Variants in TMEM117 observed in about 807,000 individuals in gnomAD.
The protein encoded by TMEM117 is transmembrane protein 117.
Under a neutral mutation model 52.4 loss-of-function variants are expected in TMEM117, and 27 were observed. The observed-to-expected ratio is 0.51, with a 90% CI of 0.38 to 0.71. TMEM117 has a LOEUF of 0.71. Ranked by LOEUF, TMEM117 falls within the 30% of genes least tolerant of loss-of-function variation. The pLI is 0.00. For missense variants in TMEM117, 556 were observed against 630.5 expected (o/e 0.88, Z 1.26); for synonymous variants, 215 against 206.3 (o/e 1.04, Z -0.36).
chr12:44,097,818 C>T (rs1390145277), intron 3 of TMEM117, among the ~76,000 whole-genome samples: 3 of 150,554 alleles, frequency 2.0e-5, no homozygotes, highest in Non-Finnish European at 1.5e-5. Context: ...ATGTAACAAA[C>T]CTGCACATTG....
intron 3 of TMEM117, among the ~76,000 whole-genome samples, chr12:44,016,421 C>G (rs1461944329): frequency 6.6e-6 from 1 of 152,218 alleles, no homozygotes; most frequent in Non-Finnish European, 1.5e-5. Context: ...AGCAGAGTCT[C>G]CCTTTCTCCC....
intron 4 of TMEM117, among the ~76,000 whole-genome samples, chr12:44,207,820 C>G (rs1410943501): frequency 1.3e-5 from 2 of 151,602 alleles, no homozygotes; most frequent in East Asian, 3.9e-4. Context: ...AAAAAACCTA[C>G]TAAGAAATAT....
At chr12:44,114,112 C>G (rs1249349738) in intron 3 of TMEM117, among the ~76,000 whole-genome samples, 3 of 150,028 alleles carry the variant, frequency 2.0e-5, no homozygotes, top group Non-Finnish European at 4.4e-5. Context: ...CTGTCTGGCA[C>G]TCCCTAGTGA....
intron 2 of TMEM117, among the ~76,000 whole-genome samples, chr12:43,866,862 G>A (rs1943609547): frequency 6.6e-6 from 1 of 152,186 alleles, no homozygotes; most frequent in Admixed American, 6.5e-5. Context: ...AGGCTGAGGC[G>A]GGTGGATCAC....
intron 2 of TMEM117, among the ~76,000 whole-genome samples, chr12:43,846,102 CT>C (rs964680626): frequency 1.5e-4 from 23 of 148,960 alleles, no homozygotes; most frequent in South Asian, 4.3e-4. Flanking sequence ...CTCTCTCTCT[CT>C]TTTTTTTTTG....
intron 3 of TMEM117, among the ~76,000 whole-genome samples, chr12:43,950,304 G>A (rs1346171762): frequency 6.6e-6 from 1 of 152,168 alleles, no homozygotes; most frequent in Non-Finnish European, 1.5e-5. Context: ...GAAAAGAAGA[G>A]GCAGATTTTG....
intron 6 of TMEM117, among the ~76,000 whole-genome samples, chr12:44,369,793 C>A (rs1951837794): frequency 6.6e-6 from 1 of 152,110 alleles, no homozygotes; most frequent in African/African-American, 2.4e-5. Flanking sequence ...CTAGATTTTT[C>A]TCCACAGATT....
At chr12:43,821,886 T>A in the TMEM117 span, among the ~76,000 whole-genome samples, 43 of 152,358 alleles carry the variant, frequency 2.8e-4, 1 homozygote, top group African/African-American at 9.6e-4. Context: ...AAAGCATTTT[T>A]AAAAAAGTAT....
intron 2 of TMEM117, among the ~76,000 whole-genome samples, chr12:43,845,654 T>C (rs1333999869): frequency 2.0e-5 from 3 of 151,940 alleles, no homozygotes; most frequent in Admixed American, 6.6e-5. Flanking sequence ...TAACTCAACA[T>C]TTACATTAGG....
intron 5 of TMEM117, among the ~76,000 whole-genome samples, chr12:44,252,724 T>C (rs1460258473): frequency 1.3e-5 from 2 of 152,174 alleles, no homozygotes; most frequent in East Asian, 1.9e-4. Flanking sequence ...ATCAGTTACA[T>C]AACCTGGAGC....
intron 4 of TMEM117, among the ~76,000 whole-genome samples, chr12:44,173,070 G>C (rs1417139524): frequency 6.6e-6 from 1 of 151,930 alleles, no homozygotes; most frequent in African/African-American, 2.4e-5. Flanking sequence ...AAAGTAGCTT[G>C]TTTTTGTTTT....
intron 3 of TMEM117, among the ~76,000 whole-genome samples, chr12:44,036,621 C>T (rs1367799913): frequency 2.0e-5 from 3 of 152,056 alleles, no homozygotes; most frequent in Admixed American, 6.6e-5. Context: ...CATAAAAAAT[C>T]TTTTTTTGTT....
At chr12:44,287,233 A>AT (rs1482282271) in intron 5 of TMEM117, among the ~76,000 whole-genome samples, 2 of 152,180 alleles carry the variant, frequency 1.3e-5, no homozygotes, top group East Asian at 3.9e-4. Flanking sequence ...TATAATGAAG[A>AT]TTCCAACCAC....
At chr12:44,139,260 A>G (rs1948536964) in intron 3 of TMEM117, among the ~76,000 whole-genome samples, 1 of 152,138 alleles carries the variant, frequency 6.6e-6, no homozygotes, top group African/African-American at 2.4e-5. Flanking sequence ...ATTGACTGCA[A>G]CCACTTATGT....
chr12:44,307,853 A>T (rs1056679974), intron 6 of TMEM117, among the ~76,000 whole-genome samples: 6 of 152,212 alleles, frequency 3.9e-5, no homozygotes, highest in South Asian at 4.1e-4. Flanking sequence ...AATTTGGCAG[A>T]AGGTAATAGT....
At chr12:44,368,349 C>G (rs1459189418) in intron 6 of TMEM117, among the ~76,000 whole-genome samples, 1 of 152,040 alleles carries the variant, frequency 6.6e-6, no homozygotes, top group Non-Finnish European at 1.5e-5. Context: ...TAAGACATTC[C>G]AGAAAAAACA....
At chr12:44,064,879 G>A (rs1947198318) in intron 3 of TMEM117, among the ~76,000 whole-genome samples, 1 of 152,090 alleles carries the variant, frequency 6.6e-6, no homozygotes, top group Non-Finnish European at 1.5e-5. Flanking sequence ...ATTGCTAGGA[G>A]TAGATTTTAG....
At chr12:43,861,199 G>A (rs1291155103) in intron 2 of TMEM117, among the ~76,000 whole-genome samples, 1 of 152,178 alleles carries the variant, frequency 6.6e-6, no homozygotes, top group Non-Finnish European at 1.5e-5. Context: ...AGCCATGTGG[G>A]GAAGTCACAG....
At chr12:44,150,021 A>T (rs573580897) in intron 4 of TMEM117, among the ~76,000 whole-genome samples, 1 of 152,262 alleles carries the variant, frequency 6.6e-6, no homozygotes, top group Non-Finnish European at 1.5e-5. Flanking sequence ...AGAGCTGAAC[A>T]TTCCTCTGGG....
Sources: gnomAD v4.1 joint callset for allele counts (sites outside exome capture counted in the v4.1 genomes callset) on GRCh38, gnomAD v4.1.1 for gene constraint, MANE v1.5 for transcripts, NCBI Gene and HGNC (gene_info 2026-07-23, HGNC 2026-07-21) for gene names.